Variants in GALNT11 observed in about 807,000 individuals in gnomAD.
GALNT11 encodes polypeptide N-acetylgalactosaminyltransferase 11.
In GALNT11, 47 loss-of-function variants were observed where a neutral mutation model predicts 72.7. The observed-to-expected ratio is 0.65, with a 90% CI of 0.51 to 0.82. GALNT11 has a LOEUF of 0.82. Among genes scored for constraint, GALNT11 ranks in the 40% least tolerant of loss-of-function variants. The pLI is 0.00. For synonymous variants in GALNT11, 270 were observed against 286.6 expected, an observed-to-expected ratio of 0.94 and a Z score of 0.58; for missense variants, 677 against 778.4, an observed-to-expected ratio of 0.87 and a Z score of 1.55.
intron 1 of GALNT11, among the ~76,000 whole-genome samples, chr7:152,071,334 C>T (rs963308295): frequency 2.6e-5 from 4 of 152,110 alleles, no homozygotes; most frequent in African/African-American, 9.7e-5. Flanking sequence ...TTCTCTTTCC[C>T]AGGGATGTTC....
intron 1 of GALNT11, among the ~76,000 whole-genome samples, chr7:152,071,730 A>G (rs2084660495): frequency 6.6e-6 from 1 of 152,214 alleles, no homozygotes; most frequent in Non-Finnish European, 1.5e-5. Flanking sequence ...AAGAAATTAT[A>G]AAAGTATTAA....
At chr7:152,104,997 T>C (rs1056752820) in intron 4 of GALNT11, 5 of 297,928 alleles carry the variant, frequency 1.7e-5, no homozygotes, top group African/African-American at 1.1e-4. Flanking sequence ...CTCGATGCTA[T>C]GGAGATACAA....
chr7:152,089,225 G>A (rs1479053460), intron 1 of GALNT11, among the ~76,000 whole-genome samples: 2 of 152,226 alleles, frequency 1.3e-5, no homozygotes, highest in East Asian at 1.9e-4. Flanking sequence ...GTTCACCTCT[G>A]GGACCAGTTG....
At chr7:152,099,947 ATTTTTTTTT>A (rs768708954) in intron 2 of GALNT11, among the ~76,000 whole-genome samples, 2 of 114,470 alleles carry the variant, frequency 1.7e-5, no homozygotes, top group African/African-American at 3.5e-5. Flanking sequence ...CACCTGGCTA[ATTTTTTTTT>A]TTTTTTTTTT....
In GALNT11 at chr7:152,121,729, G is replaced by C; in HGVS notation, c.*52G>C. The C allele has an allele frequency of 1.3e-6, 2 of 1,588,024 alleles. No homozygotes were observed. Among genetic ancestry groups the C allele is most frequent in the Non-Finnish European group, 1.7e-6 (2 of 1,164,398 alleles). Reference sequence around the variant, plus strand: ...TTCATCAGGCGTTGCCTCCGGTGTGGAGTTTGGGGCTTTAGGAAAGCCTGG... The same window carrying C: ...TTCATCAGGCGTTGCCTCCGGTGTGCAGTTTGGGGCTTTAGGAAAGCCTGG... On this transcript the variant is annotated 3_prime_UTR_variant, in exon 12 of 12. Coordinates refer to ENST00000430044, the MANE Select transcript of GALNT11 (RefSeq NM_022087.4).
intron 1 of GALNT11, among the ~76,000 whole-genome samples, chr7:152,027,028 T>C (rs1238178970): frequency 1.3e-5 from 2 of 152,184 alleles, no homozygotes; most frequent in Non-Finnish European, 1.5e-5. Flanking sequence ...GGCGAGCGGA[T>C]CACGAGGTCA....
At chr7:152,108,002 T>C (rs1587420857) in intron 5 of GALNT11, 36 bp from the exon 6 acceptor site, 1 of 1,579,762 alleles carries the variant, frequency 6.3e-7, no homozygotes. Flanking sequence ...TTGAGTGTTG[T>C]GACACTCTCC....
chr7:152,062,094 T>G (rs889135374), intron 1 of GALNT11, among the ~76,000 whole-genome samples: 1 of 152,238 alleles, frequency 6.6e-6, no homozygotes, highest in African/African-American at 2.4e-5. Context: ...TATTGATTCT[T>G]CCTATCCATG....
At position 152,094,416 on chromosome 7, in the gene GALNT11, A is replaced by G. The variant is rs1175067378; in HGVS notation, c.189A>G (p.Pro63=). The G allele has an allele frequency of 6.2e-7, 1 of 1,614,184 alleles. No homozygotes were observed. The highest frequency in any genetic ancestry group is 2.2e-5 in the East Asian group (1 of 44,886). ...KKFYPRFTRG[P]SRVLEPQFKA... ...TCTATCCCCGTTTCACTCGAGGCCC[A>G]AGTCGAGTGCTCGAGCCACAGTTCA... The change falls in exon 2 of 12, where the codon CCA becomes CCG. Residue 63 remains proline (P), a synonymous_variant. Coordinates refer to ENST00000430044, the MANE Select transcript of GALNT11 (RefSeq NM_022087.4). This position sits in a 1 kb window ranked among gnomAD's most constrained non-coding sequence, Gnocchi z 4.3.
At chr7:152,090,753 C>T (rs1364305261) in intron 1 of GALNT11, among the ~76,000 whole-genome samples, 1 of 151,864 alleles carries the variant, frequency 6.6e-6, no homozygotes, top group African/African-American at 2.4e-5. Flanking sequence ...GAGGCCTTCC[C>T]TCTCCATCTT....
At chr7:152,109,034 A>G (rs190564707) in intron 6 of GALNT11, among the ~76,000 whole-genome samples, 228 of 152,336 alleles carry the variant, frequency 1.5e-3, no homozygotes, top group Non-Finnish European at 2.4e-3. Context: ...ATATACAACA[A>G]TATTGTATAT....
At chr7:152,066,675 T>A (rs1286677284) in intron 1 of GALNT11, among the ~76,000 whole-genome samples, 1 of 152,196 alleles carries the variant, frequency 6.6e-6, no homozygotes, top group Non-Finnish European at 1.5e-5. Context: ...GGTTATTAAT[T>A]GTCTGGATTT....
intron 6 of GALNT11, among the ~76,000 whole-genome samples, chr7:152,108,945 G>A (rs992155237): frequency 2.6e-5 from 4 of 152,206 alleles, no homozygotes; most frequent in Non-Finnish European, 5.9e-5. Flanking sequence ...CAGGATCTCA[G>A]AAGGTTCACG....
At chr7:152,079,985 T>A (rs1464640650) in intron 1 of GALNT11, among the ~76,000 whole-genome samples, 1 of 152,248 alleles carries the variant, frequency 6.6e-6, no homozygotes, top group East Asian at 1.9e-4. Context: ...TTAAATATTA[T>A]GAAAATTAGT....
chr7:152,038,588 G>T (rs1430483400), intron 1 of GALNT11, among the ~76,000 whole-genome samples: 1 of 152,162 alleles, frequency 6.6e-6, no homozygotes, highest in African/African-American at 2.4e-5. Flanking sequence ...GCCAGTTTAT[G>T]GCCAGATTTT....
chr7:152,115,053 C>A (rs1370024002), intron 8 of GALNT11, among the ~76,000 whole-genome samples: 1 of 152,202 alleles, frequency 6.6e-6, no homozygotes, highest in Non-Finnish European at 1.5e-5. Context: ...GCTTCTCCTA[C>A]AGCACTGTTT....
In GALNT11 at chr7:152,113,712, C is replaced by CTTTTTTTTTTTTTTTTT. The variant is rs6150397; in HGVS notation, c.1233+340_1233+356dup. ...TGTGACGCCTGCAAAAGTTGGCTTT[C>CTTTTTTTTTTTTTTTTT]TTTTTTTTTTTTTTTTTTTTTTTTT... On this transcript the variant is annotated intron_variant, in intron 8 of 11. Coordinates refer to ENST00000430044, the MANE Select transcript of GALNT11 (RefSeq NM_022087.4). Among the ~76,000 whole-genome samples, 19 of 97,020 alleles carry CTTTTTTTTTTTTTTTTT rather than the reference C, an allele frequency of 2.0e-4. 2 individuals carry two copies. Among genetic ancestry groups the CTTTTTTTTTTTTTTTTT allele is most frequent in the East Asian group, 2.5e-4 (1 of 4,070 alleles). The allele number at this position is 97,020 out of a possible 152,430, so 63.6% of individuals were successfully genotyped here. A position where few individuals can be genotyped will look rare whatever the true frequency, so the allele number is the denominator to read the frequency against.
intron 1 of GALNT11, among the ~76,000 whole-genome samples, chr7:152,051,982 C>T (rs565685650): frequency 3.4e-4 from 52 of 152,234 alleles, no homozygotes; most frequent in African/African-American, 1.3e-3. Flanking sequence ...TTGTCACTAT[C>T]ACCAAAACTT....
intron 3 of GALNT11, among the ~76,000 whole-genome samples, chr7:152,102,124 A>G (rs1382656955): frequency 6.6e-6 from 1 of 152,192 alleles, no homozygotes; most frequent in Non-Finnish European, 1.5e-5. Context: ...TTGAAACCTC[A>G]TTGAGGAGAA....
Sources: gnomAD v4.1 joint callset for allele counts (sites outside exome capture counted in the v4.1 genomes callset) on GRCh38, gnomAD v4.1.1 for gene constraint, Gnocchi (gnomAD v3.1) non-coding constraint, MANE v1.5 for transcripts, NCBI Gene and HGNC (gene_info 2026-07-23, HGNC 2026-07-21) for gene names.